C12orf75: variants seen among roughly 807,000 people sequenced by gnomAD.
C12orf75 encodes overexpressed in colon carcinoma 1 protein.
C12orf75 carries 4 observed loss-of-function variants against 11.4 expected under a neutral mutation model. The observed-to-expected ratio is 0.35, with a 90% confidence interval of 0.17 to 0.80. C12orf75 has a LOEUF of 0.80. C12orf75 is among the 30% of genes least tolerant of loss of function. The pLI, the probability that C12orf75 is intolerant of heterozygous loss-of-function variation, is 0.52. For missense variants in C12orf75, 89 were observed against 80.4 expected (o/e 1.11, Z -0.41); for synonymous variants, 30 against 30.0 (o/e 1.00, Z 0.00).
chr12:105,365,923 C>A, intron 3 of C12orf75, 81 bp downstream of exon 3: 1 of 874,666 alleles, frequency 1.1e-6, no homozygotes, highest in Non-Finnish European at 1.9e-6. Flanking sequence ...AGCATATTCC[C>A]AATAACACAG....
chr12:105,359,065 C>T (rs1470677670), intron 2 of C12orf75, among the ~76,000 whole-genome samples: 1 of 152,158 alleles, frequency 6.6e-6, no homozygotes, highest in African/African-American at 2.4e-5. Flanking sequence ...TACTTATTTC[C>T]AGATTTCCCT....
At chr12:105,331,072 C>T (rs1308309174) in intron 1 of C12orf75, 135 bp downstream of exon 1, 6 of 541,736 alleles carry the variant, frequency 1.1e-5, no homozygotes, top group African/African-American at 5.9e-5. Flanking sequence ...GCAGACCGCC[C>T]GTTTCTGGAA....
chr12:105,351,280 CA>C (rs1892710720), intron 2 of C12orf75, among the ~76,000 whole-genome samples: 1 of 151,706 alleles, frequency 6.6e-6, no homozygotes, highest in Non-Finnish European at 1.5e-5. Flanking sequence ...AAGGATTGGC[CA>C]AAATAGTAGA....
At chr12:105,345,421 C>T (rs1482603245) in intron 1 of C12orf75, among the ~76,000 whole-genome samples, 2 of 151,660 alleles carry the variant, frequency 1.3e-5, no homozygotes, top group African/African-American at 2.4e-5. Flanking sequence ...ACCCAGGAGG[C>T]GGAGGTTGCA....
intron 1 of C12orf75, among the ~76,000 whole-genome samples, chr12:105,331,388 G>C (rs1192656429): frequency 6.6e-6 from 1 of 152,020 alleles, no homozygotes; most frequent in Admixed American, 6.5e-5. Context: ...GGCAGTGGTG[G>C]TGGGGCAGGA....
chr12:105,357,928 T>A (rs940312958), intron 2 of C12orf75, among the ~76,000 whole-genome samples: 8 of 151,944 alleles, frequency 5.3e-5, no homozygotes, highest in African/African-American at 1.9e-4. Context: ...CACTGTAACC[T>A]CGACCTCCCA....
chr12:105,369,886 A>G (rs1198960826), intron 5 of C12orf75, among the ~76,000 whole-genome samples: 1 of 152,224 alleles, frequency 6.6e-6, no homozygotes, highest in Non-Finnish European at 1.5e-5. Context: ...GTTGTTGGGC[A>G]GAAACCCTGA....
chr12:105,353,474 C>G (rs1892739199), intron 2 of C12orf75: 1 of 152,170 alleles, frequency 6.6e-6, no homozygotes, highest in Non-Finnish European at 1.5e-5. Flanking sequence ...GTGCTCACCA[C>G]TGGAGCCAAT....
intron 2 of C12orf75, among the ~76,000 whole-genome samples, chr12:105,362,696 C>G (rs928513776): frequency 6.6e-6 from 1 of 151,806 alleles, no homozygotes; most frequent in African/African-American, 2.4e-5. Flanking sequence ...TTGGAGAGCT[C>G]CAGCTGCGGG....
chr12:105,367,184 A>G (rs1871501520), intron 4 of C12orf75, among the ~76,000 whole-genome samples: 1 of 152,210 alleles, frequency 6.6e-6, no homozygotes, highest in Admixed American at 6.5e-5. Context: ...CTTCTTGCTC[A>G]AGGCAATTTT....
chr12:105,353,824 A>G (rs933591457), intron 2 of C12orf75, among the ~76,000 whole-genome samples: 5 of 152,232 alleles, frequency 3.3e-5, no homozygotes, highest in Non-Finnish European at 2.9e-5. Context: ...TACTTCTTTC[A>G]CTTAAAACAT....
chr12:105,361,048 T>TTAA (rs1892858363), intron 2 of C12orf75, among the ~76,000 whole-genome samples: 1 of 152,076 alleles, frequency 6.6e-6, no homozygotes, highest in Admixed American at 6.6e-5. Flanking sequence ...AGTGTTGGGA[T>TTAA]TAAAGGTGTG....
At chr12:105,348,454 T>C (rs964455438) in intron 1 of C12orf75, 148 bp from the exon 2 acceptor site, 25 of 465,054 alleles carry the variant, frequency 5.4e-5, no homozygotes, top group Non-Finnish European at 8.0e-5. Context: ...AATTTTATGA[T>C]TTTTTTGCCC....
At position 105,371,432 on chromosome 12, in the gene C12orf75, T is replaced by G. The variant is rs1871625044; in HGVS notation, c.*832T>G. 1 of 152,228 alleles carries G rather than the reference T, an allele frequency of 6.6e-6. No individual in the cohort carries two copies. Among genetic ancestry groups the G allele is most frequent in the Admixed American group, 6.5e-5 (1 of 15,290 alleles). The allele number at this position is 152,228 out of a possible 1,614,324, so 9.4% of individuals were successfully genotyped here. ...GGATATCTGGAAATTAATTTGATAA[T>G]GACTTGTGTATCTACTTAGTATTGC... On this transcript the variant is annotated 3_prime_UTR_variant, in exon 6 of 6. Transcript: ENST00000443585.
chr12:105,369,973 T>C (rs904467959), intron 5 of C12orf75, among the ~76,000 whole-genome samples: 1 of 152,212 alleles, frequency 6.6e-6, no homozygotes, highest in African/African-American at 2.4e-5. Context: ...TTGTTTGTTT[T>C]TTACCTAACA....
intron 2 of C12orf75, among the ~76,000 whole-genome samples, chr12:105,364,883 C>A (rs1566142846): frequency 6.7e-6 from 1 of 148,404 alleles, no homozygotes; most frequent in African/African-American, 2.5e-5. Context: ...CCTCTGTTGC[C>A]CAAGCTGGAG....
intron 2 of C12orf75, 46 bp from the exon 3 acceptor site, chr12:105,365,761 G>T: frequency 7.2e-7 from 1 of 1,396,722 alleles, no homozygotes; most frequent in Non-Finnish European, 9.9e-7. Flanking sequence ...TGAAGTCCCC[G>T]ACTATGTAAC....
At chr12:105,358,600 T>A (rs1361166056) in intron 2 of C12orf75, among the ~76,000 whole-genome samples, 2 of 152,190 alleles carry the variant, frequency 1.3e-5, no homozygotes, top group African/African-American at 2.4e-5. Context: ...GATTAAAAAA[T>A]ATTTCAGTCT....
At chr12:105,346,151 A>G (rs1168998213) in intron 1 of C12orf75, among the ~76,000 whole-genome samples, 1 of 152,138 alleles carries the variant, frequency 6.6e-6, no homozygotes, top group Non-Finnish European at 1.5e-5. Flanking sequence ...TCACCTGGAA[A>G]CAACCCCCCA....
Sources: gnomAD v4.1 joint callset for allele counts (sites outside exome capture counted in the v4.1 genomes callset) on GRCh38, gnomAD v4.1.1 for gene constraint, MANE v1.5 for transcripts, NCBI Gene and HGNC (gene_info 2026-07-23, HGNC 2026-07-21) for gene names.